FARS2: variants seen among roughly 807,000 people sequenced by gnomAD.
FARS2 encodes the protein phenylalanyl-tRNA synthetase 2, mitochondrial.
In FARS2, 40 loss-of-function variants were observed where a neutral mutation model predicts 46.4. That is an observed-to-expected ratio of 0.86 (90% CI 0.67 to 1.12). The LOEUF (loss-of-function observed/expected upper bound fraction) is 1.12. Ranked by LOEUF, FARS2 falls within the 50% of genes most tolerant of loss-of-function variation. The pLI is 0.00. For missense variants in FARS2, 513 were observed against 567.9 expected (o/e 0.90, Z 0.98); for synonymous variants, 234 against 214.9 (o/e 1.09, Z -0.78).
Position 5,549,338 on chromosome 6 carries a change from C to T in FARS2, c.1065+3998C>T, listed in dbSNP as rs138146757. ...TAATGTTATCCCTCCCTCTTCCCCC[C>T]ACTCCACGACAGACCCTGGTGTGTG... On this transcript the variant is annotated intron_variant, in intron 5 of 6. Coordinates refer to ENST00000274680, the MANE Select transcript of FARS2 (RefSeq NM_006567.5). Among the ~76,000 whole-genome samples the T allele has an allele frequency of 1.6e-4, 24 of 152,302 alleles. 2 individuals carry two copies. In the East Asian group the frequency reaches 1.9e-3, roughly 12 times the overall value.
At chr6:5,755,413 C>G (rs935547838) in intron 6 of FARS2, among the ~76,000 whole-genome samples, 2 of 151,388 alleles carry the variant, frequency 1.3e-5, no homozygotes, top group Non-Finnish European at 2.9e-5. Context: ...TTGTTCAACT[C>G]CCACTTATGA....
rs1761734391 is a variant in FARS2 at position 5,747,998 on chromosome 6, C to G, written c.1218-23293C>G. Reference sequence around the variant, plus strand: ...TTCATCCTGGATCATTTCTTGAGATCAAGAGTTCATCTGAAATAGCTTTAA... The same window carrying G: ...TTCATCCTGGATCATTTCTTGAGATGAAGAGTTCATCTGAAATAGCTTTAA... On this transcript the variant is annotated intron_variant, in intron 6 of 6. Transcript: ENST00000274680. Among the ~76,000 whole-genome samples the G allele has an allele frequency of 1.3e-5, 2 of 152,192 alleles. 1 individual carries two copies. Among genetic ancestry groups the G allele is most frequent in the South Asian group, 4.1e-4 (2 of 4,830 alleles).
intron 1 of FARS2, among the ~76,000 whole-genome samples, chr6:5,266,365 A>T (rs1395789932): frequency 6.6e-6 from 1 of 152,138 alleles, no homozygotes. Context: ...TGTTATCTCC[A>T]TTTAAGAAAA....
At chr6:5,324,443 CTTTTTTTTTTTT>C (rs745311767) in intron 1 of FARS2, among the ~76,000 whole-genome samples, 1 of 88,262 alleles carries the variant, frequency 1.1e-5, no homozygotes, top group Middle Eastern at 7.8e-3. Context: ...AGACTATTTG[CTTTTTTTTTTTT>C]TTTTTTTTTT....
intron 5 of FARS2, among the ~76,000 whole-genome samples, chr6:5,588,628 G>C (rs1218193006): frequency 6.6e-6 from 1 of 152,186 alleles, no homozygotes; most frequent in African/African-American, 2.4e-5. Flanking sequence ...CATGTCTTCT[G>C]TTCAACCAAT....
At chr6:5,757,595 G>A (rs1270653950) in intron 6 of FARS2, among the ~76,000 whole-genome samples, 1 of 152,188 alleles carries the variant, frequency 6.6e-6, no homozygotes, top group African/African-American at 2.4e-5. Context: ...CTTTGAGGTG[G>A]GATATAGCTG....
chr6:5,260,932 G>A, upstream of FARS2: 1 of 1,353,988 alleles, frequency 7.4e-7, no homozygotes, highest in Non-Finnish European at 9.5e-7. Flanking sequence ...CGCTTCGGGG[G>A]CGGGCGCAGG....
At chr6:5,468,449 AT>A (rs1459564135) in intron 4 of FARS2, among the ~76,000 whole-genome samples, 1 of 152,198 alleles carries the variant, frequency 6.6e-6, no homozygotes, top group South Asian at 2.1e-4. Flanking sequence ...CAATAATTGA[AT>A]TCCCTTTAAT....
intron 4 of FARS2, among the ~76,000 whole-genome samples, chr6:5,481,543 G>A (rs1167177992): frequency 6.6e-6 from 1 of 152,190 alleles, no homozygotes; most frequent in Non-Finnish European, 1.5e-5. Flanking sequence ...TTTGTTACAA[G>A]TAGTCTAGAA....
In FARS2 at chr6:5,662,422, G is replaced by A. The variant is rs376430296; in HGVS notation, c.1217+49102G>A. Among the ~76,000 whole-genome samples the A allele has an allele frequency of 5.3e-5, 8 of 152,324 alleles. No homozygotes were observed. In the South Asian group the frequency reaches 6.2e-4, roughly 12 times the overall value. Reference sequence around the variant, plus strand: ...ATGTTAAACTCACTAAAACAGCAATGTGGAAATAGTCACCCACACTGCTGA... The same window carrying A: ...ATGTTAAACTCACTAAAACAGCAATATGGAAATAGTCACCCACACTGCTGA... On this transcript the variant is annotated intron_variant, in intron 6 of 6. Coordinates refer to ENST00000274680, the MANE Select transcript of FARS2 (RefSeq NM_006567.5).
intron 5 of FARS2, among the ~76,000 whole-genome samples, chr6:5,587,815 TG>T (rs914017193): frequency 6.6e-6 from 1 of 152,182 alleles, no homozygotes; most frequent in African/African-American, 2.4e-5. Context: ...TGTGTGACCT[TG>T]GGATCATAAC....
chr6:5,402,827 TACTAGGAC>T (rs1162276364), intron 2 of FARS2, among the ~76,000 whole-genome samples: 23 of 152,352 alleles, frequency 1.5e-4, no homozygotes, highest in Admixed American at 4.6e-4. Flanking sequence ...TGCTCAGGCC[TACTAGGAC>T]ACTTTTTAAA....
At chr6:5,472,649 A>G (rs1206305551) in intron 4 of FARS2, among the ~76,000 whole-genome samples, 1 of 152,086 alleles carries the variant, frequency 6.6e-6, no homozygotes, top group Non-Finnish European at 1.5e-5. Flanking sequence ...TGTTTTTTAA[A>G]TTTTAAAATC....
chr6:5,476,313 T>A lies in FARS2; in HGVS notation c.904+45141T>A, dbSNP rs376323687. Among the ~76,000 whole-genome samples, 9 of 152,354 alleles carry A rather than the reference T, an allele frequency of 5.9e-5. 1 individual carries two copies. Among genetic ancestry groups the A allele is most frequent in the African/African-American group, 2.2e-4 (9 of 41,590 alleles). On this transcript the variant is annotated intron_variant, in intron 4 of 6. Transcript: ENST00000274680. ...TTTTCTATTACCTGAGTGGGAAGCA[T>A]ACTAATTGATGTTTTCTTTTATATC...
intron 2 of FARS2, among the ~76,000 whole-genome samples, chr6:5,392,570 T>C (rs1760586449): frequency 6.6e-6 from 1 of 151,946 alleles, no homozygotes; most frequent in Non-Finnish European, 1.5e-5. Context: ...ATGTAGTTAT[T>C]AAAATGAAGT....
upstream of FARS2, chr6:5,260,770 C>T (rs1459161757): frequency 2.0e-6 from 3 of 1,537,856 alleles, no homozygotes; most frequent in South Asian, 3.6e-5. Flanking sequence ...TCCTCTTCGC[C>T]GAGGTCCCAA....
intron 4 of FARS2, among the ~76,000 whole-genome samples, chr6:5,497,159 A>G (rs1767519922): frequency 6.6e-6 from 1 of 152,248 alleles, no homozygotes; most frequent in Non-Finnish European, 1.5e-5. Context: ...ATCCCTACTT[A>G]TAAGAATGGT....
At chr6:5,362,038 C>T (rs1244663374) in intron 1 of FARS2, among the ~76,000 whole-genome samples, 1 of 152,000 alleles carries the variant, frequency 6.6e-6, no homozygotes, top group Non-Finnish European at 1.5e-5. Context: ...AAATGAAAAA[C>T]AAGCAAAATA....
At position 5,624,779 on chromosome 6, in the gene FARS2, A is replaced by G. The variant is rs138038701; in HGVS notation, c.1217+11459A>G. ...CACCAAGAGCAACCTGTGACATGAT[A>G]TAAGTCACAGAATTGCTGGCAGAAA... On this transcript the variant is annotated intron_variant, in intron 6 of 6. Transcript: ENST00000274680. 4.1e-3 allele frequency among the ~76,000 whole-genome samples: 624 copies of G among 152,322 alleles called. 4 individuals carry two copies. Among genetic ancestry groups the G allele is most frequent in the African/African-American group, 0.014 (596 of 41,586 alleles).
Sources: allele counts gnomAD v4.1 joint callset (sites outside exome capture counted in the v4.1 genomes callset), GRCh38; gene constraint gnomAD v4.1.1; transcripts MANE v1.5; gene names NCBI Gene and HGNC (gene_info 2026-07-23, HGNC 2026-07-21).